Variants in ITGA1 observed in about 807,000 individuals in gnomAD.
ITGA1 encodes integrin alpha-1.
In ITGA1, 85 loss-of-function variants were observed where a neutral mutation model predicts 145.9. The observed-to-expected ratio is 0.58, with a 90% CI of 0.49 to 0.70. ITGA1 has a LOEUF of 0.70. ITGA1 is among the 30% of genes least tolerant of loss of function. ITGA1 has a pLI of 0.00. For synonymous variants in ITGA1, 520 were observed against 495.3 expected (o/e 1.05, Z -0.66); for missense variants, 1,351 against 1,418.7 (o/e 0.95, Z 0.77).
chr5:52,910,558 G>GT, intron 14 of ITGA1, 139 bp downstream of exon 14: 1 of 826,754 alleles, frequency 1.2e-6, no homozygotes, highest in South Asian at 1.9e-5. Context: ...CTCTTTAAGT[G>GT]TTTTTTATAG....
intron 1 of ITGA1, among the ~76,000 whole-genome samples, chr5:52,792,737 T>C (rs1317175931): frequency 2.0e-5 from 3 of 152,162 alleles, no homozygotes; most frequent in African/African-American, 7.2e-5. Context: ...AATGCTATTC[T>C]TTACCTACAC....
intron 2 of ITGA1, among the ~76,000 whole-genome samples, chr5:52,852,380 T>A (rs553125670): frequency 6.6e-6 from 1 of 152,136 alleles, no homozygotes; most frequent in South Asian, 2.1e-4. Flanking sequence ...TCAAGAACTA[T>A]AATCTGGTAC....
At chr5:52,881,456 T>G (rs1263001730) in intron 6 of ITGA1, among the ~76,000 whole-genome samples, 1 of 152,170 alleles carries the variant, frequency 6.6e-6, no homozygotes, top group African/African-American at 2.4e-5. Flanking sequence ...TATTGGCTGA[T>G]TAGGGATTTT....
At chr5:52,920,280 A>G in intron 16 of ITGA1, 52 bp from the exon 17 acceptor site, 1 of 1,382,296 alleles carries the variant, frequency 7.2e-7, no homozygotes, top group Non-Finnish European at 9.9e-7. Flanking sequence ...GTACAATATG[A>G]GAATCACTTC....
chr5:52,861,903 T>G (rs577938630), intron 3 of ITGA1, among the ~76,000 whole-genome samples: 1 of 148,742 alleles, frequency 6.7e-6, no homozygotes, highest in Admixed American at 6.7e-5. Context: ...GGTCTTAAAT[T>G]ATGCCCAGTA....
At chr5:52,918,525 C>T (rs1750682888) in intron 15 of ITGA1, among the ~76,000 whole-genome samples, 1 of 152,088 alleles carries the variant, frequency 6.6e-6, no homozygotes, top group African/African-American at 2.4e-5. Context: ...ACCAAAAGCC[C>T]CAAATGGTTT....
chr5:52,916,108 A>G (rs1270366960), intron 15 of ITGA1, among the ~76,000 whole-genome samples: 4 of 152,196 alleles, frequency 2.6e-5, no homozygotes, highest in African/African-American at 9.6e-5. Context: ...TTTCAGATAC[A>G]TACATTCATA....
At chr5:52,947,513 G>A (rs1561258021) in intron 28 of ITGA1, 52 bp downstream of exon 28, 4 of 1,014,464 alleles carry the variant, frequency 3.9e-6, no homozygotes, top group African/African-American at 1.6e-5. Context: ...ACAGCAAACT[G>A]GAGAAATAAG....
chr5:52,952,543 A>C lies in ITGA1; in HGVS notation c.*92A>C, dbSNP rs916479721. 1.8e-6 allele frequency: 1 copy of C among 541,264 alleles called. No individual in the cohort carries two copies. The highest frequency in any genetic ancestry group is 3.2e-6 in the Non-Finnish European group (1 of 311,142). 33.5% of individuals were successfully genotyped at this position (541,264 alleles called of 1,614,324 possible). On this transcript the variant is annotated 3_prime_UTR_variant, in exon 29 of 29. Coordinates refer to ENST00000282588, the MANE Select transcript of ITGA1 (RefSeq NM_181501.2). ...TGACAAGAAATGTATAATTCATGAC[A>C]TAGTCATGTAACTATGTAATCCATC...
At chr5:52,862,682 A>G (rs1389829029) in intron 3 of ITGA1, among the ~76,000 whole-genome samples, 2 of 152,198 alleles carry the variant, frequency 1.3e-5, no homozygotes, top group Non-Finnish European at 2.9e-5. Context: ...AAATAGAATC[A>G]CACAAGATAA....
At chr5:52,867,840 TTGC>T (rs1266986622) in intron 6 of ITGA1, among the ~76,000 whole-genome samples, 2 of 151,886 alleles carry the variant, frequency 1.3e-5, no homozygotes, top group Non-Finnish European at 2.9e-5. Flanking sequence ...GTAGCCCAGT[TTGC>T]TGTTGTTTTT....
chr5:52,937,940 TCTC>T (rs1329492005), intron 24 of ITGA1, among the ~76,000 whole-genome samples: 1 of 150,806 alleles, frequency 6.6e-6, no homozygotes, highest in Non-Finnish European at 1.5e-5. Flanking sequence ...TTCTATGTGT[TCTC>T]CTTCTCTCTT....
Position 52,933,905 on chromosome 5 carries a change from A to G in ITGA1, c.2873A>G (p.Glu958Gly). The change falls in exon 23 of 29, where the codon GAA becomes GGA. Residue 958 changes from glutamate to glycine, a missense_variant. Transcript: ENST00000282588. ...ATTAATTTTTTAAGCTCTGCAAGTG[A>G]ATACCACATTTCAATTGCTGCCAAT... ...VGLQFYSSAS[E>G]YHISIAANET... is the part of the protein sequence containing the mutation. The G allele has an allele frequency of 6.6e-7, 1 of 1,504,216 alleles. No homozygotes were observed. The highest frequency in any genetic ancestry group is 9.0e-7 in the Non-Finnish European group (1 of 1,115,426). The allele number at this position is 1,504,216 out of a possible 1,614,324, so 93.2% of individuals were successfully genotyped here.
intron 1 of ITGA1, among the ~76,000 whole-genome samples, chr5:52,829,556 C>T (rs1749024084): frequency 6.6e-6 from 1 of 151,544 alleles, no homozygotes; most frequent in Non-Finnish European, 1.5e-5. Flanking sequence ...TTAAAAAGCA[C>T]AGTTAGATGG....
chr5:52,796,638 T>C (rs1309765971), intron 1 of ITGA1, among the ~76,000 whole-genome samples: 1 of 152,082 alleles, frequency 6.6e-6, no homozygotes, highest in East Asian at 1.9e-4. Flanking sequence ...ATGTCTGTAA[T>C]AATGTTAAAA....
intron 26 of ITGA1, among the ~76,000 whole-genome samples, chr5:52,944,458 T>C (rs1751100127): frequency 6.6e-6 from 1 of 152,138 alleles, no homozygotes; most frequent in East Asian, 1.9e-4. Flanking sequence ...CTTGCGGTGT[T>C]TTCTCCCTAG....
intron 2 of ITGA1, among the ~76,000 whole-genome samples, chr5:52,858,930 A>T (rs1749557377): frequency 6.6e-6 from 1 of 152,166 alleles, no homozygotes; most frequent in African/African-American, 2.4e-5. Context: ...AAACTAAATC[A>T]CAGATGGAGT....
chr5:52,922,387 A>C, intron 17 of ITGA1, among the ~76,000 whole-genome samples: 1 of 152,214 alleles, frequency 6.6e-6, no homozygotes, highest in East Asian at 1.9e-4. Context: ...TTTTATAGAA[A>C]GTTTGCCCTT....
In ITGA1 at chr5:52,937,555, C is replaced by A. The variant is rs763177528; in HGVS notation, c.3078+41C>A. The A allele has an allele frequency of 3.3e-6, 4 of 1,195,566 alleles. No homozygotes were observed. The Middle Eastern group carries it at 5.8e-4, about 172-fold the overall frequency. The allele number at this position is 1,195,566 out of a possible 1,614,324, so 74.1% of individuals were successfully genotyped here. On this transcript the variant is annotated intron_variant, in intron 24 of 28. Transcript: ENST00000282588. Reference sequence around the variant, plus strand: ...CTTGGAATTATGTCATTACTGTTATCTTTTCCACTTTATGTTTAAGCCTTT... The same window carrying A: ...CTTGGAATTATGTCATTACTGTTATATTTTCCACTTTATGTTTAAGCCTTT...
Sources: gnomAD v4.1 joint callset for allele counts (sites outside exome capture counted in the v4.1 genomes callset) on GRCh38, gnomAD v4.1.1 for gene constraint, MANE v1.5 for transcripts, NCBI Gene and HGNC (gene_info 2026-07-23, HGNC 2026-07-21) for gene names.